AGFG1: variants seen among roughly 807,000 people sequenced by gnomAD.
AGFG1 encodes the protein arf-GAP domain and FG repeat-containing protein 1.
AGFG1 carries 10 observed loss-of-function variants against 60.6 expected under a neutral mutation model. That is an observed-to-expected ratio of 0.16 (90% CI 0.10 to 0.28). AGFG1 has a LOEUF of 0.28. AGFG1 is among the 10% of genes least tolerant of loss of function. The probability of loss-of-function intolerance (pLI) is 1.00; values close to 1 mark genes in which losing one functional copy is unlikely to be tolerated. For synonymous variants in AGFG1, 247 were observed against 242.9 expected (o/e 1.02, Z -0.16); for missense variants, 537 against 676.5 (o/e 0.79, Z 2.29).
At chr2:227,543,981 G>A (rs1338708479) in intron 10 of AGFG1, among the ~76,000 whole-genome samples, 1 of 152,014 alleles carries the variant, frequency 6.6e-6, no homozygotes, top group East Asian at 1.9e-4. Flanking sequence ...TGTTTTATCA[G>A]AGACTAGGAT....
intron 1 of AGFG1, among the ~76,000 whole-genome samples, chr2:227,486,717 A>G (rs763496935): frequency 5.9e-5 from 9 of 152,200 alleles, no homozygotes; most frequent in Non-Finnish European, 1.0e-4. Context: ...TAGAGTTTAT[A>G]TCTTAGTAGA....
At chr2:227,473,034 C>T (rs1268025622) in intron 1 of AGFG1, among the ~76,000 whole-genome samples, 4 of 135,440 alleles carry the variant, frequency 3.0e-5, no homozygotes, top group African/African-American at 1.1e-4. Flanking sequence ...TCTCAGCGGC[C>T]CGGGAGCCGC....
Position 227,472,298 on chromosome 2 carries a change from C to A in AGFG1, c.-124C>A. Reference sequence around the variant, plus strand: ...GCCAAGCCGCTGCGGCCGGGTCCGGCGCGGGCGGCGCGCGCAGACGGAGGG... The same window carrying A: ...GCCAAGCCGCTGCGGCCGGGTCCGGAGCGGGCGGCGCGCGCAGACGGAGGG... On this transcript the variant is annotated 5_prime_UTR_variant, in exon 1 of 13. Transcript: ENST00000310078. 1 of 553,734 alleles carries A rather than the reference C, an allele frequency of 1.8e-6. No homozygotes were observed. Among genetic ancestry groups the A allele is most frequent in the Non-Finnish European group, 2.3e-6 (1 of 437,202 alleles). 34.3% of individuals were successfully genotyped at this position (553,734 alleles called of 1,614,324 possible).
At chr2:227,532,279 C>A in intron 6 of AGFG1, 1 of 1,182,650 alleles carries the variant, frequency 8.5e-7, no homozygotes, top group Non-Finnish European at 1.2e-6. Context: ...AGGGTTTTTC[C>A]AGTTATAGAT....
chr2:227,501,418 C>G (rs1316371262), intron 2 of AGFG1, among the ~76,000 whole-genome samples: 2 of 152,140 alleles, frequency 1.3e-5, no homozygotes, highest in African/African-American at 4.8e-5. Flanking sequence ...AGTATTCGTT[C>G]AATTTTTTGA....
chr2:227,531,981 C>G (rs554695848), intron 6 of AGFG1, among the ~76,000 whole-genome samples: 1 of 152,272 alleles, frequency 6.6e-6, no homozygotes, highest in South Asian at 2.1e-4. Context: ...ATAAATTGTG[C>G]TGTTTTCGTA....
At chr2:227,522,787 T>C (rs1691861801) in intron 3 of AGFG1, among the ~76,000 whole-genome samples, 1 of 152,210 alleles carries the variant, frequency 6.6e-6, no homozygotes, top group African/African-American at 2.4e-5. Flanking sequence ...AGCTCTCACA[T>C]AATCCCACAC....
chr2:227,478,139 A>G (rs913155958), intron 1 of AGFG1, among the ~76,000 whole-genome samples: 6 of 151,020 alleles, frequency 4.0e-5, no homozygotes, highest in Admixed American at 4.0e-4. Context: ...TTCTCGTGCT[A>G]TTTTTTATAT....
intron 10 of AGFG1, among the ~76,000 whole-genome samples, chr2:227,541,755 G>A (rs1325160183): frequency 3.9e-5 from 6 of 152,074 alleles, no homozygotes; most frequent in African/African-American, 1.2e-4. Flanking sequence ...AGCTTGATGG[G>A]GATGGCATTG....
intron 2 of AGFG1, among the ~76,000 whole-genome samples, chr2:227,503,657 G>GA (rs1234166473): frequency 6.6e-6 from 1 of 152,234 alleles, no homozygotes; most frequent in African/African-American, 2.4e-5. Flanking sequence ...CCCAAATTGA[G>GA]ATGACTGGGC....
chr2:227,483,072 G>T (rs1367342135), intron 1 of AGFG1, among the ~76,000 whole-genome samples: 3 of 149,214 alleles, frequency 2.0e-5, no homozygotes, highest in Non-Finnish European at 3.0e-5. Context: ...CCCCATGAAA[G>T]TAATGTGGTT....
chr2:227,502,384 G>A (rs534682997), intron 2 of AGFG1, among the ~76,000 whole-genome samples: 47 of 152,192 alleles, frequency 3.1e-4, no homozygotes, highest in African/African-American at 1.1e-3. Flanking sequence ...ACAGTGACGC[G>A]ATCTTGGCTC....
At chr2:227,513,633 T>C (rs1691561160) in intron 2 of AGFG1, among the ~76,000 whole-genome samples, 1 of 152,218 alleles carries the variant, frequency 6.6e-6, no homozygotes, top group Non-Finnish European at 1.5e-5. Context: ...AACCCACCTA[T>C]GCTTCGTAAC....
chr2:227,515,534 A>T (rs1482511263), intron 2 of AGFG1, among the ~76,000 whole-genome samples: 1 of 152,052 alleles, frequency 6.6e-6, no homozygotes, highest in Non-Finnish European at 1.5e-5. Context: ...CTTCCTCCTG[A>T]TGTCTTTATT....
Position 227,551,970 on chromosome 2 carries a change from G to T in AGFG1, c.1390G>T (p.Gly464Cys). 6.2e-7 allele frequency: 1 copy of T among 1,614,014 alleles called. No individual in the cohort carries two copies. Among genetic ancestry groups the T allele is most frequent in the Non-Finnish European group, 8.5e-7 (1 of 1,179,958 alleles). ...NARGATAATF[G>C]TASMSMPTGF... is the part of the protein sequence containing the mutation. ...TTCTCTTCTGTCAGCGGCAACCTTT[G>T]GCACTGCATCCATGAGCATGCCCAC... The change falls in exon 11 of 13, where the codon GGC becomes TGC. Residue 464 changes from glycine to cysteine, a missense_variant. Gly to Cys is a radical substitution (Grantham distance 159, BLOSUM62 -3). This residue lies in a region of AGFG1 where 287 missense variants were observed against 343.6 expected (regional missense o/e 0.84). Coordinates refer to ENST00000310078, the MANE Select transcript of AGFG1 (RefSeq NM_004504.5).
At chr2:227,514,800 G>C (rs772091002) in intron 2 of AGFG1, among the ~76,000 whole-genome samples, 13 of 152,078 alleles carry the variant, frequency 8.5e-5, no homozygotes, top group Non-Finnish European at 1.3e-4. Context: ...CCTTGTTTTA[G>C]GTGTCATTCT....
chr2:227,518,941 G>A (rs1691740775), intron 2 of AGFG1, among the ~76,000 whole-genome samples: 1 of 152,136 alleles, frequency 6.6e-6, no homozygotes, highest in African/African-American at 2.4e-5. Flanking sequence ...GGGAGGCTGA[G>A]GCGGGCAGAT....
intron 11 of AGFG1, among the ~76,000 whole-genome samples, chr2:227,552,680 T>C (rs975544443): frequency 1.5e-4 from 22 of 151,668 alleles, no homozygotes; most frequent in African/African-American, 5.1e-4. Context: ...TTCTTTTTTT[T>C]TTTTTTTAAG....
chr2:227,485,324 A>T (rs1417309791), intron 1 of AGFG1, among the ~76,000 whole-genome samples: 1 of 147,202 alleles, frequency 6.8e-6, no homozygotes, highest in Non-Finnish European at 1.5e-5. Context: ...GCAACCTCCA[A>T]CTCCCAGGTT....
Sources: allele counts gnomAD v4.1 joint callset (sites outside exome capture counted in the v4.1 genomes callset), GRCh38; gene constraint gnomAD v4.1.1; regional missense constraint gnomAD v4.1.1; transcripts MANE v1.5; gene names NCBI Gene and HGNC (gene_info 2026-07-23, HGNC 2026-07-21).